EXOC6B: variants seen among roughly 807,000 people sequenced by gnomAD.
EXOC6B encodes the protein exocyst complex component 6B.
A neutral mutation model predicts 113.5 loss-of-function variants in EXOC6B; 54 were observed. The observed-to-expected ratio is 0.48, with a 90% confidence interval of 0.38 to 0.60. The LOEUF is 0.60. EXOC6B is among the 20% of genes least tolerant of loss of function. The pLI is 0.00. For synonymous variants in EXOC6B, 357 were observed against 339.0 expected (o/e 1.05, Z -0.58); for missense variants, 797 against 977.5 (o/e 0.82, Z 2.46).
In EXOC6B at chr2:72,239,742, C is replaced by G. The variant is rs565021275; in HGVS notation, c.2197-55555G>C. 1.3e-5 allele frequency among the ~76,000 whole-genome samples: 2 copies of G among 152,210 alleles called. 1 individual carries two copies. The highest frequency in any genetic ancestry group is 3.9e-4 in the East Asian group (2 of 5,188). On this transcript the variant is annotated intron_variant, in intron 20 of 21. Coordinates refer to ENST00000272427, the MANE Select transcript of EXOC6B (RefSeq NM_015189.3). ...TAGGAATTGTGTTGAATCTATAAAT[C>G]AATTTTGAGCATTTTAACAATATTT...
intron 20 of EXOC6B, among the ~76,000 whole-genome samples, chr2:72,332,444 C>T (rs920479220): frequency 6.6e-6 from 1 of 152,046 alleles, no homozygotes; most frequent in African/African-American, 2.4e-5. Context: ...GACTCAAATA[C>T]TAGCAAATAG....
intron 20 of EXOC6B, among the ~76,000 whole-genome samples, chr2:72,250,005 T>G (rs2104541018): frequency 6.6e-6 from 1 of 152,226 alleles, no homozygotes; most frequent in East Asian, 1.9e-4. Flanking sequence ...ACTTGGCTTA[T>G]CTCATTTACT....
intron 6 of EXOC6B, among the ~76,000 whole-genome samples, chr2:72,715,628 T>C (rs1488384644): frequency 6.6e-6 from 1 of 152,098 alleles, no homozygotes; most frequent in Non-Finnish European, 1.5e-5. Flanking sequence ...TCACGGGGCC[T>C]GCCTAAGTAG....
intron 18 of EXOC6B, among the ~76,000 whole-genome samples, chr2:72,394,400 A>G (rs1488397472): frequency 1.3e-5 from 2 of 152,178 alleles, no homozygotes; most frequent in Non-Finnish European, 2.9e-5. Context: ...CACAATACTC[A>G]GAGAAGGTTT....
At chr2:72,201,195 C>T (rs1359122055) in intron 20 of EXOC6B, among the ~76,000 whole-genome samples, 2 of 151,926 alleles carry the variant, frequency 1.3e-5, no homozygotes, top group African/African-American at 4.8e-5. Context: ...AAGATCCATC[C>T]ATGTTGATCC....
intron 20 of EXOC6B, among the ~76,000 whole-genome samples, chr2:72,314,918 T>C (rs1687422044): frequency 6.6e-6 from 1 of 152,124 alleles, no homozygotes; most frequent in Admixed American, 6.5e-5. Context: ...GTTCAGAAAA[T>C]GTGCAAAATT....
chr2:72,707,211 G>A (rs1360252380), intron 6 of EXOC6B, among the ~76,000 whole-genome samples: 1 of 152,082 alleles, frequency 6.6e-6, no homozygotes, highest in Non-Finnish European at 1.5e-5. Flanking sequence ...ATGATAATTT[G>A]TAATGCAGAA....
intron 2 of EXOC6B, 93 bp downstream of exon 2, chr2:72,741,211 A>G (rs1681300267): frequency 8.1e-7 from 1 of 1,229,050 alleles, no homozygotes; most frequent in Admixed American, 2.6e-5. Context: ...CTTCACTACA[A>G]ATATGTGTTC....
At chr2:72,444,076 T>A (rs1315984999) in intron 18 of EXOC6B, among the ~76,000 whole-genome samples, 1 of 152,186 alleles carries the variant, frequency 6.6e-6, no homozygotes, top group Non-Finnish European at 1.5e-5. Context: ...AGCAAGTTAG[T>A]TATTTCCTAG....
chr2:72,482,769 C>T (rs1487937217), intron 16 of EXOC6B, among the ~76,000 whole-genome samples: 1 of 152,112 alleles, frequency 6.6e-6, no homozygotes, highest in Admixed American at 6.5e-5. Context: ...CTCATAAAGA[C>T]AATGTTTTAG....
chr2:72,678,174 T>C (rs2104530910), intron 6 of EXOC6B, among the ~76,000 whole-genome samples: 1 of 152,350 alleles, frequency 6.6e-6, no homozygotes, highest in South Asian at 2.1e-4. Flanking sequence ...TAATGTTTTA[T>C]CTTCACTTGA....
chr2:72,218,155 A>G (rs1421795509), intron 20 of EXOC6B, among the ~76,000 whole-genome samples: 1 of 152,186 alleles, frequency 6.6e-6, no homozygotes, highest in East Asian at 1.9e-4. Context: ...AACAATTTAC[A>G]TACTTGCCTT....
chr2:72,273,003 A>G (rs1030517824), intron 20 of EXOC6B, among the ~76,000 whole-genome samples: 39 of 152,188 alleles, frequency 2.6e-4, no homozygotes, highest in East Asian at 2.3e-3. Flanking sequence ...TCTCCCAGTT[A>G]CAGTCACACT....
At chr2:72,680,898 T>C (rs1345703520) in intron 6 of EXOC6B, among the ~76,000 whole-genome samples, 2 of 152,156 alleles carry the variant, frequency 1.3e-5, no homozygotes, top group Admixed American at 6.5e-5. Context: ...GCAAACTTAA[T>C]GGGAAAAGTT....
chr2:72,397,628 A>T (rs1692817451), intron 18 of EXOC6B, among the ~76,000 whole-genome samples: 1 of 130,062 alleles, frequency 7.7e-6, no homozygotes, highest in South Asian at 2.1e-4. Flanking sequence ...AAAAAAAAAA[A>T]ATAAAATAAA....
At chr2:72,469,573 T>C (rs1218721858) in intron 17 of EXOC6B, among the ~76,000 whole-genome samples, 4 of 152,110 alleles carry the variant, frequency 2.6e-5, no homozygotes, top group Non-Finnish European at 5.9e-5. Context: ...TGTTGTTTAA[T>C]CTCCAAATAA....
chr2:72,676,091 G>T (rs1395782703), intron 6 of EXOC6B, among the ~76,000 whole-genome samples: 1 of 150,234 alleles, frequency 6.7e-6, no homozygotes, highest in Non-Finnish European at 1.5e-5. Context: ...AACAGACCAG[G>T]CTCTGAACTA....
At chr2:72,401,603 G>A (rs867676086) in intron 18 of EXOC6B, among the ~76,000 whole-genome samples, 1,583 of 15,322 alleles carry the variant, frequency 0.1, 187 homozygotes, top group Non-Finnish European at 0.15. Flanking sequence ...ATATATATAT[G>A]TGTATATATA....
chr2:72,450,411 GGTATA>G (rs1696840984), intron 18 of EXOC6B, among the ~76,000 whole-genome samples: 1 of 151,860 alleles, frequency 6.6e-6, no homozygotes, highest in African/African-American at 2.4e-5. Context: ...TGACATAGAG[GGTATA>G]GACACATTAA....
Sources: gnomAD v4.1 joint callset for allele counts (sites outside exome capture counted in the v4.1 genomes callset) on GRCh38, gnomAD v4.1.1 for gene constraint, MANE v1.5 for transcripts, NCBI Gene and HGNC (gene_info 2026-07-23, HGNC 2026-07-21) for gene names.